The following SYT1 variants were observed in gnomAD, a reference collection of about 807,000 sequenced individuals.
SYT1 encodes synaptotagmin 1.
A neutral mutation model predicts 44.8 loss-of-function variants in SYT1; 8 were observed. The ratio of observed to expected loss-of-function variants is 0.18; its 90% CI spans 0.10 to 0.32. The LOEUF is 0.32. Among genes scored for constraint, SYT1 ranks in the 10% least tolerant of loss-of-function variants. The probability of loss-of-function intolerance (pLI) is 1.00; values close to 1 mark genes in which losing one functional copy is unlikely to be tolerated. For missense variants in SYT1, 286 were observed against 509.3 expected, an observed-to-expected ratio of 0.56 and a Z score of 4.22; for synonymous variants, 154 against 188.8, an observed-to-expected ratio of 0.82 and a Z score of 1.51.
At chr12:79,034,329 T>C (rs1310450095) in intron 2 of SYT1, among the ~76,000 whole-genome samples, 1 of 151,508 alleles carries the variant, frequency 6.6e-6, no homozygotes, top group Non-Finnish European at 1.5e-5. Context: ...CCCATTTTAC[T>C]GATGAAGAAA....
rs150326981 is a variant in SYT1, at chr12:79,100,037, T to G, written c.-18+52675T>G. Among the ~76,000 whole-genome samples, 9 of 152,292 alleles carry G rather than the reference T, an allele frequency of 5.9e-5. 1 individual carries two copies. Among genetic ancestry groups the G allele is most frequent in the East Asian group, 3.9e-4 (2 of 5,186 alleles). On this transcript the variant is annotated intron_variant, in intron 3 of 10. Transcript: ENST00000261205. ...AAATAATTGTACATGTTCTTTGAAC[T>G]TTAAAGTAATAGAGTAATATATTAT... is the stretch of plus-strand genomic sequence containing the variant.
At chr12:79,195,011 G>A (rs1428677832) in intron 3 of SYT1, among the ~76,000 whole-genome samples, 1 of 152,128 alleles carries the variant, frequency 6.6e-6, no homozygotes, top group African/African-American at 2.4e-5. Context: ...TAACCTTGAA[G>A]CCCTGATTAA....
At chr12:79,231,818 T>C (rs1875885468) in intron 4 of SYT1, among the ~76,000 whole-genome samples, 1 of 152,232 alleles carries the variant, frequency 6.6e-6, no homozygotes, top group South Asian at 2.1e-4. Context: ...CAAATATTAC[T>C]ACCTAAATTA....
chr12:79,385,568 A>G (rs939044902), intron 9 of SYT1, among the ~76,000 whole-genome samples: 2 of 152,182 alleles, frequency 1.3e-5, no homozygotes, highest in Non-Finnish European at 2.9e-5. Flanking sequence ...TGGTGGTAGC[A>G]TGCTATAATT....
At chr12:79,061,736 A>G (rs1370565902) in intron 3 of SYT1, among the ~76,000 whole-genome samples, 1 of 152,168 alleles carries the variant, frequency 6.6e-6, no homozygotes, top group Non-Finnish European at 1.5e-5. Context: ...GCCTTACATG[A>G]CTTCCTTCCA....
At chr12:79,116,141 T>A (rs1409946768) in intron 3 of SYT1, among the ~76,000 whole-genome samples, 3 of 152,156 alleles carry the variant, frequency 2.0e-5, no homozygotes, top group Non-Finnish European at 4.4e-5. Context: ...GCCTCATAGG[T>A]TAGAGTAGGA....
chr12:79,418,573 T>G (rs1342466742), intron 9 of SYT1, among the ~76,000 whole-genome samples: 1 of 152,140 alleles, frequency 6.6e-6, no homozygotes, highest in Non-Finnish European at 1.5e-5. Context: ...CAGCCCTGCC[T>G]GTTTCCAAAA....
chr12:79,004,625 A>G (rs1870959738), intron 2 of SYT1, among the ~76,000 whole-genome samples: 2 of 152,022 alleles, frequency 1.3e-5, no homozygotes, highest in Non-Finnish European at 2.9e-5. Flanking sequence ...GCAATTGTTC[A>G]TAAATACAGA....
chr12:79,040,434 T>A (rs908715923), intron 2 of SYT1, among the ~76,000 whole-genome samples: 15 of 152,230 alleles, frequency 9.9e-5, no homozygotes, highest in Non-Finnish European at 1.8e-4. Context: ...TTGAGAAGTG[T>A]CTGTTCATGT....
At chr12:78,924,526 T>C (rs1183471786) in intron 1 of SYT1, among the ~76,000 whole-genome samples, 1 of 151,022 alleles carries the variant, frequency 6.6e-6, no homozygotes, top group African/African-American at 2.4e-5. Context: ...ACAGCTTTTT[T>C]CCACCTAATT....
chr12:78,893,641 G>C (rs886559101), intron 1 of SYT1, among the ~76,000 whole-genome samples: 3 of 151,632 alleles, frequency 2.0e-5, no homozygotes, highest in Non-Finnish European at 1.5e-5. Context: ...CTTACACTAG[G>C]CCAGTAGATG....
intron 2 of SYT1, among the ~76,000 whole-genome samples, chr12:79,035,020 C>A (rs1460041414): frequency 6.6e-6 from 1 of 151,588 alleles, no homozygotes; most frequent in Admixed American, 6.6e-5. Context: ...AATTTTTGTC[C>A]TTACTGGTCT....
intron 1 of SYT1, among the ~76,000 whole-genome samples, chr12:78,901,620 G>A (rs917450295): frequency 2.0e-5 from 3 of 152,108 alleles, no homozygotes; most frequent in Non-Finnish European, 4.4e-5. Context: ...AAATTGGAGG[G>A]TAATTTGAAG....
At chr12:79,194,025 A>C (rs1873288957) in intron 3 of SYT1, among the ~76,000 whole-genome samples, 1 of 152,162 alleles carries the variant, frequency 6.6e-6, no homozygotes, top group Non-Finnish European at 1.5e-5. Flanking sequence ...CAAATTTCAA[A>C]TTCCTGCTAA....
At chr12:79,342,072 C>T (rs2139051129) in intron 8 of SYT1, among the ~76,000 whole-genome samples, 1 of 152,160 alleles carries the variant, frequency 6.6e-6, no homozygotes, top group Admixed American at 6.5e-5. Context: ...GAAGGCTTTC[C>T]CCTTGTGGCT....
At chr12:78,997,963 A>T (rs1478165104) in intron 2 of SYT1, among the ~76,000 whole-genome samples, 2 of 152,192 alleles carry the variant, frequency 1.3e-5, no homozygotes, top group African/African-American at 2.4e-5. Flanking sequence ...GTCCACATTT[A>T]AAAAGGAAAG....
intron 9 of SYT1, among the ~76,000 whole-genome samples, chr12:79,424,999 A>C (rs1254427339): frequency 1.5e-5 from 2 of 137,858 alleles, no homozygotes; most frequent in African/African-American, 5.4e-5. Flanking sequence ...ACTTGTAAAA[A>C]TTTCAGTGAT....
chr12:78,913,688 CTT>C (rs1352249062), intron 1 of SYT1, among the ~76,000 whole-genome samples: 2 of 151,666 alleles, frequency 1.3e-5, no homozygotes, highest in Admixed American at 6.6e-5. Context: ...TTCTTTACAA[CTT>C]TTATTTGATC....
intron 1 of SYT1, among the ~76,000 whole-genome samples, chr12:78,913,127 A>C (rs1402941807): frequency 6.6e-6 from 1 of 151,748 alleles, no homozygotes; most frequent in African/African-American, 2.4e-5. Context: ...AAGAAGGCTT[A>C]TTTTTAAGAA....
Sources: allele counts gnomAD v4.1 joint callset (sites outside exome capture counted in the v4.1 genomes callset), GRCh38; gene constraint gnomAD v4.1.1; transcripts MANE v1.5; gene names NCBI Gene and HGNC (gene_info 2026-07-23, HGNC 2026-07-21).